The following RUVBL1 variants were observed in gnomAD, a reference collection of about 807,000 sequenced individuals.
RUVBL1 encodes the protein ruvB-like 1.
Under a neutral mutation model 52.4 loss-of-function variants are expected in RUVBL1, and 4 were observed. The observed-to-expected ratio is 0.08, with a 90% CI of 0.04 to 0.17. RUVBL1 has a LOEUF of 0.17. RUVBL1 is among the 10% of genes least tolerant of loss of function. RUVBL1 has a pLI of 1.00. For missense variants in RUVBL1, 298 were observed against 572.8 expected (o/e 0.52, Z 4.90); for synonymous variants, 217 against 214.4 (o/e 1.01, Z -0.10).
chr3:128,092,925 G>C (rs1378509969), intron 8 of RUVBL1, among the ~76,000 whole-genome samples: 1 of 152,112 alleles, frequency 6.6e-6, no homozygotes, highest in African/African-American at 2.4e-5. Context: ...AGTAATCCTA[G>C]CAGTTTGGGA....
chr3:128,130,032 C>T (rs753055253), intron 1 of RUVBL1, among the ~76,000 whole-genome samples: 18 of 151,468 alleles, frequency 1.2e-4, no homozygotes, highest in Non-Finnish European at 2.4e-4. Flanking sequence ...GTATCTTTTA[C>T]CAAAAATTTT....
intron 1 of RUVBL1, among the ~76,000 whole-genome samples, chr3:128,145,574 C>T (rs995550009): frequency 8.6e-5 from 13 of 151,872 alleles, no homozygotes; most frequent in Admixed American, 7.2e-4. Flanking sequence ...TGGATGGGCA[C>T]GGTGTGTGTG....
chr3:128,115,227 A>G (rs1350727324), intron 2 of RUVBL1, among the ~76,000 whole-genome samples: 4 of 152,222 alleles, frequency 2.6e-5, no homozygotes, highest in South Asian at 4.1e-4. Flanking sequence ...AACCGCAAGC[A>G]GCAGCACCAG....
chr3:128,078,963 A>T (rs1942402007), downstream of RUVBL1: 1 of 152,398 alleles, frequency 6.6e-6, no homozygotes, highest in Non-Finnish European at 1.5e-5. Flanking sequence ...CACCTCAGCT[A>T]GGATATTTGA....
chr3:128,138,565 TG>T (rs1057136484), intron 1 of RUVBL1, among the ~76,000 whole-genome samples: 1 of 151,822 alleles, frequency 6.6e-6, no homozygotes, highest in Non-Finnish European at 1.5e-5. Context: ...CCACAAAAAA[TG>T]AAAGATAGTC....
chr3:128,141,469 T>G (rs988722670), intron 1 of RUVBL1, among the ~76,000 whole-genome samples: 2 of 151,364 alleles, frequency 1.3e-5, no homozygotes, highest in Non-Finnish European at 2.9e-5. Context: ...CCTTGGAGTA[T>G]GAAGACATGG....
At chr3:128,066,030 C>G (rs1352012153) in intron 9 of RUVBL1, among the ~76,000 whole-genome samples, 1 of 152,118 alleles carries the variant, frequency 6.6e-6, no homozygotes, top group Non-Finnish European at 1.5e-5. Context: ...GCGTGAGCCA[C>G]CGCACCCGGC....
chr3:128,088,411 T>C (rs1229664322), intron 8 of RUVBL1, among the ~76,000 whole-genome samples: 1 of 148,646 alleles, frequency 6.7e-6, no homozygotes, highest in Non-Finnish European at 1.5e-5. Flanking sequence ...ACAAATTATA[T>C]AGTATAATAT....
At chr3:128,106,461 C>A (rs1943239973) in intron 3 of RUVBL1, among the ~76,000 whole-genome samples, 1 of 151,704 alleles carries the variant, frequency 6.6e-6, no homozygotes, top group Admixed American at 6.6e-5. Context: ...AAACGTATCC[C>A]CCCCCCCTTC....
At chr3:128,079,926 A>G (rs745365783), downstream of RUVBL1, among the ~76,000 whole-genome samples, 9 of 152,242 alleles carry the variant, frequency 5.9e-5, no homozygotes, top group Non-Finnish European at 1.0e-4. Context: ...ACGGAGATCC[A>G]GTCTGAACTA....
At chr3:128,130,886 G>A (rs1943867955) in intron 1 of RUVBL1, among the ~76,000 whole-genome samples, 2 of 151,814 alleles carry the variant, frequency 1.3e-5, no homozygotes, top group African/African-American at 2.4e-5. Flanking sequence ...TCCTGACGTC[G>A]TGATCTGCCC....
chr3:128,102,004 G>A (rs909173474), intron 4 of RUVBL1, among the ~76,000 whole-genome samples: 2 of 152,188 alleles, frequency 1.3e-5, no homozygotes, highest in Non-Finnish European at 2.9e-5. Flanking sequence ...GCCGTGAGAC[G>A]GGTGGGCCCA....
chr3:128,130,595 C>CAAA (rs71153121), intron 1 of RUVBL1, among the ~76,000 whole-genome samples: 1 of 104,934 alleles, frequency 9.5e-6, no homozygotes, highest in Non-Finnish European at 2.0e-5. Context: ...CCCATCTCTA[C>CAAA]AAAAAAAAAA....
upstream of RUVBL1, among the ~76,000 whole-genome samples, chr3:128,125,089 A>G (rs1200089106): frequency 7.8e-6 from 1 of 128,092 alleles, no homozygotes; most frequent in East Asian, 2.4e-4. Flanking sequence ...ATCTCGGCTC[A>G]CTGCAAGCTC....
chr3:128,126,574 C>A (rs533476996), upstream of RUVBL1, among the ~76,000 whole-genome samples: 69 of 151,988 alleles, frequency 4.5e-4, 1 homozygote, highest in African/African-American at 1.6e-3. Context: ...ATTGATCTGG[C>A]CTAGCATTCT....
intron 1 of RUVBL1, among the ~76,000 whole-genome samples, chr3:128,140,112 T>C (rs1943997250): frequency 6.6e-6 from 1 of 152,024 alleles, no homozygotes; most frequent in African/African-American, 2.4e-5. Flanking sequence ...ATACATTGTA[T>C]GCCTGTGTCA....
chr3:128,101,411 C>T, intron 5 of RUVBL1, 148 bp downstream of exon 5: 1 of 681,726 alleles, frequency 1.5e-6, no homozygotes, highest in South Asian at 1.8e-5. Flanking sequence ...CATAAAGGGC[C>T]ACTAGTTGAC....
At chr3:128,110,326 T>A (rs904117294) in intron 3 of RUVBL1, among the ~76,000 whole-genome samples, 11 of 151,764 alleles carry the variant, frequency 7.2e-5, no homozygotes, top group African/African-American at 2.4e-4. Context: ...TAAAAATAGA[T>A]AACTTAAATA....
Position 128,082,259 on chromosome 3 carries a change from G to C in RUVBL1, c.1211+224C>G, listed in dbSNP as rs764580732. The C allele has an allele frequency of 1.6e-4, 81 of 514,288 alleles. No homozygotes were observed. Among genetic ancestry groups the C allele is most frequent in the Non-Finnish European group, 2.7e-4 (78 of 285,812 alleles). 31.9% of individuals were successfully genotyped at this position (514,288 alleles called of 1,614,324 possible). On this transcript the variant is annotated intron_variant, in intron 10 of 10. Coordinates refer to ENST00000322623, the MANE Select transcript of RUVBL1 (RefSeq NM_003707.3). This position sits in a 1 kb window ranked among gnomAD's most constrained non-coding sequence, Gnocchi z 4.7. ...CACTCTCCACCAGAGGGGAGCATCT[G>C]CTGCAGGACATGGGGACTTCACCCT...
Sources: gnomAD v4.1 joint callset for allele counts (sites outside exome capture counted in the v4.1 genomes callset) on GRCh38, gnomAD v4.1.1 for gene constraint, Gnocchi (gnomAD v3.1) non-coding constraint, MANE v1.5 for transcripts, NCBI Gene and HGNC (gene_info 2026-07-23, HGNC 2026-07-21) for gene names.